The following TTN variants were observed in gnomAD, a reference collection of about 807,000 sequenced individuals.
TTN encodes the protein connectin.
Under a neutral mutation model 3,223.0 loss-of-function variants are expected in TTN, and 1,525 were observed. The ratio of observed to expected loss-of-function variants is 0.47; its 90% CI spans 0.45 to 0.49. The LOEUF is 0.49. TTN is among the 20% of genes least tolerant of loss of function. The probability of loss-of-function intolerance (pLI) is 0.00; values close to 1 mark genes in which losing one functional copy is unlikely to be tolerated. For missense variants in TTN, 40,786 were observed against 43,424.0 expected, an observed-to-expected ratio of 0.94 and a Z score of 5.40; for synonymous variants, 14,094 against 15,161.0, an observed-to-expected ratio of 0.93 and a Z score of 5.17.
Position 178,614,843 on chromosome 2 carries a change from A to G in TTN, c.48760+4T>C. 2 of 1,572,090 alleles carry G rather than the reference A, an allele frequency of 1.3e-6. No individual in the cohort carries two copies. The highest frequency in any genetic ancestry group is 1.7e-6 in the Non-Finnish European group (2 of 1,157,468). On this transcript the variant is annotated splice_donor_region_variant and intron_variant, in intron 260 of 362. Coordinates refer to ENST00000589042, the MANE Select transcript of TTN (RefSeq NM_001267550.2). ...TTGATAAGACAAAAATCAAAAATAG[A>G]TACCTTGTGTGTCCACAGCCTGGAT...
Position 178,571,532 on chromosome 2 carries a change from G to C in TTN, c.74600C>G (p.Thr24867Arg). ...QIVSATVARTTIKACRLKTGC... is the reference protein window; with the variant it reads ...QIVSATVARTRIKACRLKTGC... ...AGTCTTCAGTCTGCAAGCCTTTATTGTTGTCCTTGCAACTGTAGCTGATAC... is the reference window on the plus strand; with the variant it reads ...AGTCTTCAGTCTGCAAGCCTTTATTCTTGTCCTTGCAACTGTAGCTGATAC... Residue 24867 changes from threonine (T) to arginine (R), a missense_variant, in exon 326 of 363, where the codon ACA becomes AGA. Thr to Arg is a moderately conservative substitution (Grantham distance 71, BLOSUM62 -1). Transcript: ENST00000589042. 1 of 1,609,494 alleles carries C rather than the reference G, an allele frequency of 6.2e-7. No homozygotes were observed. The highest frequency in any genetic ancestry group is 8.5e-7 in the Non-Finnish European group (1 of 1,176,394).
Position 178,576,275 on chromosome 2 carries a change from G to T in TTN, c.69857C>A (p.Ala23286Asp), listed in dbSNP as rs1465961266. 10 of 1,606,114 alleles carry T rather than the reference G, an allele frequency of 6.2e-6. No homozygotes were observed. Among genetic ancestry groups the T allele is most frequent in the Non-Finnish European group, 7.6e-6 (9 of 1,176,748 alleles). Reference sequence around the variant, plus strand: ...GGTTCCTGTGGTATCTTTTATCCAGGCCTCGTCTCCTACTTTTTGATGCTC... The same window carrying T: ...GGTTCCTGTGGTATCTTTTATCCAGTCCTCGTCTCCTACTTTTTGATGCTC... ...VVEHQKVGDE[A>D]WIKDTTGTAL... The change falls in exon 326 of 363, where the codon GCC (alanine) becomes GAC (aspartate). Residue 23286 changes from alanine (A) to aspartate (D), a missense_variant. By Grantham distance (126) the Ala-to-Asp change is moderately radical. Transcript: ENST00000589042. The surrounding 1 kb of genome is among the most constrained non-coding windows in gnomAD (Gnocchi z 4.3).
chr2:178,741,336 G>T lies in TTN; in HGVS notation c.11897C>A (p.Ala3966Asp). The part of the protein sequence containing the change: ...IFEYTVVGEP[A>D]PTVTWFKENK... Reference sequence around the variant, plus strand: ...TTCTTTGAACCATGTAACAGTAGGGGCAGGCTCTCCAACCACTGTGTACTC... The same window carrying T: ...TTCTTTGAACCATGTAACAGTAGGGTCAGGCTCTCCAACCACTGTGTACTC... The change falls in exon 48 of 363, where the codon GCC becomes GAC. Residue 3966 changes from alanine (A) to aspartate (D), a missense_variant. Physicochemically the swap from Ala to Asp is moderately radical, Grantham distance 126. Transcript: ENST00000589042. 1 of 1,613,860 alleles carries T rather than the reference G, an allele frequency of 6.2e-7. No individual in the cohort carries two copies.
rs770221553 is a variant in TTN, at chr2:178,719,286, A to G, written c.24104T>C (p.Phe8035Ser). ...IVSGPKCQSS[F>S]SENVCTLNLS... is the part of the protein sequence containing the mutation. ...ATTCAAAGTACAGACGTTTTCCGAAAAGCTGGACTGACATTTGGGCCCACT... is the reference window on the plus strand; with the variant it reads ...ATTCAAAGTACAGACGTTTTCCGAAGAGCTGGACTGACATTTGGGCCCACT... The change falls in exon 83 of 363, where the codon TTT becomes TCT. Residue 8035 changes from phenylalanine to serine, a missense_variant. Coordinates refer to ENST00000589042, the MANE Select transcript of TTN (RefSeq NM_001267550.2). The G allele has an allele frequency of 6.2e-7, 1 of 1,613,742 alleles. No individual in the cohort carries two copies.
At position 178,531,109 on chromosome 2, in the gene TTN, A is replaced by G; in HGVS notation, c.105506T>C (p.Leu35169Pro). ...CACTTGGTGGCGGGCAGAAGTACTTAGCACTTGTCCTTTACGCAGCCAGGT... is the reference window on the plus strand; with the variant it reads ...CACTTGGTGGCGGGCAGAAGTACTTGGCACTTGTCCTTTACGCAGCCAGGT... ...TVTWLRKGQV[L>P]STSARHQVTT... The change falls in exon 358 of 363, where the codon CTA (leucine) becomes CCA (proline). Residue 35169 changes from leucine (L) to proline (P), a missense_variant. Coordinates refer to ENST00000589042, the MANE Select transcript of TTN (RefSeq NM_001267550.2). The G allele has an allele frequency of 6.2e-7, 1 of 1,613,974 alleles. No individual in the cohort carries two copies. Among genetic ancestry groups the G allele is most frequent in the Non-Finnish European group, 8.5e-7 (1 of 1,179,872 alleles).
In TTN at chr2:178,565,960, C is replaced by T; in HGVS notation, c.80172G>A (p.Glu26724=). ...CATTAGCATACGCTTTTCTGGTTGACTCACGTTTGTCAATCACATAGTTCT... is the reference window on the plus strand; with the variant it reads ...CATTAGCATACGCTTTTCTGGTTGATTCACGTTTGTCAATCACATAGTTCT... The part of the protein sequence containing the change: ...KVKNYVIDKR[E]STRKAYANVS... Residue 26724 remains glutamate, a synonymous_variant, in exon 326 of 363, where the codon GAG becomes GAA. Transcript: ENST00000589042. The T allele has an allele frequency of 6.2e-7, 1 of 1,613,600 alleles. No homozygotes were observed. The highest frequency in any genetic ancestry group is 8.5e-7 in the Non-Finnish European group (1 of 1,179,658).
chr2:178,766,287 G>C (rs1454801402), intron 41 of TTN, 94 bp downstream of exon 41: 9 of 1,023,954 alleles, frequency 8.8e-6, no homozygotes, highest in Non-Finnish European at 1.4e-5. Flanking sequence ...AGGTTCTTTA[G>C]AAATTTCCTT....
chr2:178,554,256 C>T (rs371895634), intron 332 of TTN, 40 bp from the exon 333 acceptor site: 3 of 1,520,794 alleles, frequency 2.0e-6, no homozygotes, highest in Non-Finnish European at 1.8e-6. Flanking sequence ...CAAGAATCCA[C>T]ATTACTGATA....
In TTN at chr2:178,540,270, G is replaced by GA; in HGVS notation, c.97895dup (p.Thr32633HisfsTer6). 6.2e-7 allele frequency: 1 copy of GA among 1,613,804 alleles called. No individual in the cohort carries two copies. Among genetic ancestry groups the GA allele is most frequent in the Non-Finnish European group, 8.5e-7 (1 of 1,179,772 alleles). On this transcript the variant is annotated frameshift_variant, in exon 351 of 363. Transcript: ENST00000589042. LOFTEE classifies it high-confidence loss of function. ...TTTGCATTTCAATCAAGTAGCCTGT[G>GA]ACTTTAGATCCTCCTTCATCTTCTG... is the stretch of plus-strand genomic sequence containing the variant.
At position 178,694,685 on chromosome 2, in the gene TTN, A is replaced by G. The variant is rs2154281903; in HGVS notation, c.31349-9T>C. On this transcript the variant is annotated splice_polypyrimidine_tract_variant and intron_variant, in intron 116 of 362. Transcript: ENST00000589042. ...CTTTGAAACTTCAGGTACTTTAAAA[A>G]TATGTACAAATATATTTGTATTTTG... The G allele has an allele frequency of 6.5e-7, 1 of 1,536,072 alleles. No homozygotes were observed. The highest frequency in any genetic ancestry group is 2.4e-5 in the East Asian group (1 of 40,882).
In TTN at chr2:178,641,329, A is replaced by T; in HGVS notation, c.40559-14T>A. 7.1e-7 allele frequency: 1 copy of T among 1,413,042 alleles called. No homozygotes were observed. The highest frequency in any genetic ancestry group is 9.5e-7 in the Non-Finnish European group (1 of 1,048,312). The allele number at this position is 1,413,042 out of a possible 1,614,324, so 87.5% of individuals were successfully genotyped here. A position where few individuals can be genotyped will look rare whatever the true frequency, so the allele number is the denominator to read the frequency against. ...TTTTTCTTAGAACTTTAAAGACAAAAAGGTTTATATGTAAACCAAGACAAA... is the reference window on the plus strand; with the variant it reads ...TTTTTCTTAGAACTTTAAAGACAAATAGGTTTATATGTAAACCAAGACAAA... On this transcript the variant is annotated splice_polypyrimidine_tract_variant and intron_variant, in intron 219 of 362. Transcript: ENST00000589042.
Position 178,599,637 on chromosome 2 carries a change from C to A in TTN, c.56264G>T (p.Arg18755Leu), listed in dbSNP as rs772767570. The A allele has an allele frequency of 6.2e-7, 1 of 1,612,358 alleles. No individual in the cohort carries two copies. Among genetic ancestry groups the A allele is most frequent in the Non-Finnish European group, 8.5e-7 (1 of 1,179,066 alleles). The change falls in exon 289 of 363, where the codon CGC becomes CTC. Residue 18755 changes from arginine to leucine, a missense_variant. Coordinates refer to ENST00000589042, the MANE Select transcript of TTN (RefSeq NM_001267550.2). ...DTCTLVIPQS[R>L]RSDTGLYTIT... is the part of the protein sequence containing the mutation. Reference sequence around the variant, plus strand: ...GGTATATAAGCCAGTGTCACTCCTGCGAGACTGCGGAATAACTAAAGTGCA... The same window carrying A: ...GGTATATAAGCCAGTGTCACTCCTGAGAGACTGCGGAATAACTAAAGTGCA...
In TTN at chr2:178,732,255, GA is replaced by G. The variant is rs1371670101; in HGVS notation, c.16713del (p.Pro5572GlnfsTer4). The G allele has an allele frequency of 6.2e-7, 1 of 1,613,610 alleles. No individual in the cohort carries two copies. The highest frequency in any genetic ancestry group is 8.5e-7 in the Non-Finnish European group (1 of 1,179,776). On this transcript the variant is annotated frameshift_variant, in exon 57 of 363. Transcript: ENST00000589042. LOFTEE classifies it high-confidence loss of function. The part of the protein sequence containing the change: ...TQLACKVTGT[P>X]PIKITWFAND... ...TTTGCAAACCATGTTATTTTAATTG[GA>G]GGGGTACCAGTTACTTTGCAGGCTA...
rs1690702377 is a variant in TTN, at chr2:178,534,785, T to A, written c.101830A>T (p.Asn33944Tyr). The A allele has an allele frequency of 1.9e-6, 3 of 1,612,896 alleles. No homozygotes were observed. The highest frequency in any genetic ancestry group is 1.7e-6 in the Non-Finnish European group (2 of 1,179,794). The change falls in exon 358 of 363, where the codon AAT becomes TAT. Residue 33944 changes from asparagine to tyrosine, a missense_variant. By Grantham distance (143) the Asn-to-Tyr change is moderately radical. Transcript: ENST00000589042. ...NIGHFDIRPE[N>Y]IIYQTRRSST... Reference sequence around the variant, plus strand: ...CTTCTTCTGGTTTGGTAAATGATATTTTCTGGTCTAATGTCAAAGTGTCCA... The same window carrying A: ...CTTCTTCTGGTTTGGTAAATGATATATTCTGGTCTAATGTCAAAGTGTCCA...
In TTN at chr2:178,614,082, C is replaced by A. The variant is rs759710792; in HGVS notation, c.49315G>T (p.Ala16439Ser). The A allele has an allele frequency of 1.2e-6, 2 of 1,612,250 alleles. No individual in the cohort carries two copies. Among genetic ancestry groups the A allele is most frequent in the Admixed American group, 1.7e-5 (1 of 59,840 alleles). The change falls in exon 262 of 363, where the codon GCC becomes TCC. Residue 16439 changes from alanine to serine, a missense_variant. Ala to Ser is a moderately conservative substitution (Grantham distance 99). Coordinates refer to ENST00000589042, the MANE Select transcript of TTN (RefSeq NM_001267550.2). The stretch of plus-strand genomic sequence containing the variant: ...TGATATTTGGCTGTTATTGGAGAGG[C>A]CTGAACTGGTTCACCAACACCATAC... Reference protein sequence around the residue: ...NMYGVGEPVQASPITAKYQFD... With the variant: ...NMYGVGEPVQSSPITAKYQFD...
At position 178,771,292 on chromosome 2, in the gene TTN, C is replaced by T. The variant is rs762303238; in HGVS notation, c.8035G>A (p.Ala2679Thr). The change falls in exon 34 of 363, where the codon GCT becomes ACT. Residue 2679 changes from alanine to threonine, a missense_variant. Ala to Thr is a moderately conservative substitution (Grantham distance 58). Coordinates refer to ENST00000589042, the MANE Select transcript of TTN (RefSeq NM_001267550.2). ...CCAATGTCATCTAATTTGGTGGCAG[C>T]AATGATAAGTCTCCTTTTGTGGCCA... ...SDGHKRRLIIAATKLDDIGEY... is the reference protein window; with the variant it reads ...SDGHKRRLIITATKLDDIGEY... 4 of 1,614,088 alleles carry T rather than the reference C, an allele frequency of 2.5e-6. No individual in the cohort carries two copies. Among genetic ancestry groups the T allele is most frequent in the Non-Finnish European group, 1.7e-6 (2 of 1,179,996 alleles).
rs556503863 is a variant in TTN at position 178,793,497 on chromosome 2, C to G, written c.1443G>C (p.Val481=). ...CTTGTTCCTTGGCTTTATCGGCGGC[C>G]ACTACTACCTTAGTTACAGCAGTCT... ...AEKTAVTKVV[V]AADKAKEQEL... Residue 481 remains valine, a synonymous_variant, in exon 9 of 363, where the codon GTG becomes GTC. Transcript: ENST00000589042. 5 of 1,614,110 alleles carry G rather than the reference C, an allele frequency of 3.1e-6. No individual in the cohort carries two copies. In the South Asian group the frequency reaches 5.5e-5, roughly 18 times the overall value.
chr2:178,565,896 T>G lies in TTN; in HGVS notation c.80236A>C (p.Asn26746His). Residue 26746 changes from asparagine (N) to histidine (H), a missense_variant, in exon 326 of 363, where the codon AAC becomes CAC. Transcript: ENST00000589042. ...KCSKTSFKVENLTEGAIYYFR... is the reference protein window; with the variant it reads ...KCSKTSFKVEHLTEGAIYYFR... Reference sequence around the variant, plus strand: ...TAATAAATGGCTCCTTCTGTAAGGTTTTCCACTTTAAAACTTGTTTTGCTG... The same window carrying G: ...TAATAAATGGCTCCTTCTGTAAGGTGTTCCACTTTAAAACTTGTTTTGCTG... 1.9e-6 allele frequency: 3 copies of G among 1,613,678 alleles called. No homozygotes were observed. Among genetic ancestry groups the G allele is most frequent in the Non-Finnish European group, 8.5e-7 (1 of 1,179,676 alleles).
chr2:178,741,021 A>T lies in TTN; in HGVS notation c.12212T>A (p.Ile4071Asn). The change falls in exon 48 of 363, where the codon ATT (isoleucine) becomes AAT (asparagine). Residue 4071 changes from isoleucine (I) to asparagine (N), a missense_variant. By Grantham distance (149) the Ile-to-Asn change is moderately radical (BLOSUM62 -3). Coordinates refer to ENST00000589042, the MANE Select transcript of TTN (RefSeq NM_001267550.2). ...AATGGTGTCTTTTACAAACGTTGCA[A>T]TTTCCTGCTCTGAGTCAAGTGCTTC... ...AVEALDSEQE[I>N]ATFVKDTILK... 6.2e-7 allele frequency: 1 copy of T among 1,613,902 alleles called. No homozygotes were observed. Among genetic ancestry groups the T allele is most frequent in the South Asian group, 1.1e-5 (1 of 91,086 alleles).
Sources: gnomAD v4.1 joint callset for allele counts on GRCh38, gnomAD v4.1.1 for gene constraint, Gnocchi (gnomAD v3.1) non-coding constraint, MANE v1.5 for transcripts, NCBI Gene and HGNC (gene_info 2026-07-23, HGNC 2026-07-21) for gene names.